Variants in RAP1GDS1 observed in about 807,000 individuals in gnomAD.
The protein encoded by RAP1GDS1 is Rap1 GTPase-GDP dissociation stimulator 1.
RAP1GDS1 carries 35 observed loss-of-function variants against 71.1 expected under a neutral mutation model. That is an observed-to-expected ratio of 0.49 (90% CI 0.38 to 0.65). RAP1GDS1 has a LOEUF of 0.65. RAP1GDS1 is among the 30% of genes least tolerant of loss of function. The pLI, the probability that RAP1GDS1 is intolerant of heterozygous loss-of-function variation, is 0.00. For missense variants in RAP1GDS1, 663 were observed against 706.1 expected, an observed-to-expected ratio of 0.94 and a Z score of 0.69; for synonymous variants, 229 against 243.1, an observed-to-expected ratio of 0.94 and a Z score of 0.54.
chr4:98,300,818 C>G (rs1420156138), intron 2 of RAP1GDS1, among the ~76,000 whole-genome samples: 1 of 152,186 alleles, frequency 6.6e-6, no homozygotes, highest in East Asian at 1.9e-4. Context: ...ACCAAACTCA[C>G]AATATCTCTG....
chr4:98,402,509 T>G (rs1352740878), intron 6 of RAP1GDS1, among the ~76,000 whole-genome samples: 1 of 152,212 alleles, frequency 6.6e-6, no homozygotes, highest in African/African-American at 2.4e-5. Context: ...AAGTAAGAGC[T>G]AAAGCCGTAG....
chr4:98,435,347 G>GA (rs1750990338), intron 13 of RAP1GDS1, among the ~76,000 whole-genome samples: 1 of 152,150 alleles, frequency 6.6e-6, no homozygotes, highest in South Asian at 2.1e-4. Flanking sequence ...TTGGTGACTG[G>GA]AAGCCTTACC....
intron 2 of RAP1GDS1, among the ~76,000 whole-genome samples, chr4:98,308,579 T>C (rs1225825140): frequency 6.6e-6 from 1 of 151,958 alleles, no homozygotes; most frequent in Admixed American, 6.6e-5. Context: ...TTTATTGCTA[T>C]AAAGCTTGTT....
At chr4:98,428,519 A>G (rs980211268) in intron 12 of RAP1GDS1, among the ~76,000 whole-genome samples, 1 of 152,152 alleles carries the variant, frequency 6.6e-6, no homozygotes, top group African/African-American at 2.4e-5. Context: ...AAAACTAATA[A>G]TCCCATCAGA....
intron 9 of RAP1GDS1, 58 bp from the exon 10 acceptor site, chr4:98,418,598 TA>T (rs1165580326): frequency 6.9e-7 from 1 of 1,443,732 alleles, no homozygotes; most frequent in Non-Finnish European, 9.3e-7. Context: ...ACATCAGTAT[TA>T]TAAAGTATTT....
chr4:98,317,056 C>T (rs13130767), intron 2 of RAP1GDS1, among the ~76,000 whole-genome samples: 2,141 of 152,106 alleles, frequency 0.014, 21 homozygotes, highest in Non-Finnish European at 0.021. Flanking sequence ...CTTTTCTTTT[C>T]CTCTCTGCTT....
chr4:98,368,500 A>T (rs1222782343), intron 4 of RAP1GDS1, among the ~76,000 whole-genome samples: 2 of 152,184 alleles, frequency 1.3e-5, no homozygotes, highest in Non-Finnish European at 2.9e-5. Context: ...ATAAATGAGA[A>T]TGATGAGCAG....
chr4:98,323,065 C>T (rs1400435005), intron 2 of RAP1GDS1, among the ~76,000 whole-genome samples: 4 of 151,702 alleles, frequency 2.6e-5, no homozygotes, highest in Non-Finnish European at 5.9e-5. Context: ...ATCAAGTAGA[C>T]ACAATAAAAA....
At chr4:98,439,375 C>T (rs1302758817) in intron 14 of RAP1GDS1, among the ~76,000 whole-genome samples, 1 of 152,204 alleles carries the variant, frequency 6.6e-6, no homozygotes. Context: ...AGAAGTTTAA[C>T]TATGATGTGT....
chr4:98,442,174 A>G lies in RAP1GDS1; in HGVS notation c.*57A>G, dbSNP rs531517161. The G allele has an allele frequency of 1.9e-6, 3 of 1,589,276 alleles. No individual in the cohort carries two copies. Among genetic ancestry groups the G allele is most frequent in the East Asian group, 2.2e-5 (1 of 44,606 alleles). On this transcript the variant is annotated 3_prime_UTR_variant, in exon 15 of 15. Transcript: ENST00000408927. ...CTAATTTCCCCTCTGTCCTCCATCCAGCGGCTTCTTCCGCTTCATTCTCTA... is the reference window on the plus strand; with the variant it reads ...CTAATTTCCCCTCTGTCCTCCATCCGGCGGCTTCTTCCGCTTCATTCTCTA...
At chr4:98,440,531 G>A (rs992843605) in intron 14 of RAP1GDS1, among the ~76,000 whole-genome samples, 9 of 152,202 alleles carry the variant, frequency 5.9e-5, no homozygotes, top group Middle Eastern at 3.4e-3. Flanking sequence ...TTTTAGTAAT[G>A]GCCAAACTAA....
chr4:98,263,573 G>T (rs778323905), intron 1 of RAP1GDS1, among the ~76,000 whole-genome samples: 1 of 152,138 alleles, frequency 6.6e-6, no homozygotes, highest in African/African-American at 2.4e-5. Flanking sequence ...TAGCACTTAC[G>T]TAATCTACCA....
At chr4:98,321,676 A>G (rs1224847593) in intron 2 of RAP1GDS1, among the ~76,000 whole-genome samples, 3 of 141,966 alleles carry the variant, frequency 2.1e-5, no homozygotes, top group Non-Finnish European at 4.6e-5. Context: ...ACTAAGCTTC[A>G]TAAGTGAAGG....
At chr4:98,384,564 C>T (rs937524266) in intron 5 of RAP1GDS1, among the ~76,000 whole-genome samples, 12 of 151,496 alleles carry the variant, frequency 7.9e-5, no homozygotes, top group African/African-American at 2.7e-4. Context: ...CCAATTAGAC[C>T]AGGTTAGCTT....
intron 5 of RAP1GDS1, among the ~76,000 whole-genome samples, chr4:98,390,583 T>C (rs1251670121): frequency 1.3e-5 from 2 of 152,100 alleles, no homozygotes; most frequent in Non-Finnish European, 2.9e-5. Context: ...ACACTAAGCC[T>C]CTGTTGACTA....
intron 2 of RAP1GDS1, among the ~76,000 whole-genome samples, chr4:98,307,097 T>A (rs936692285): frequency 1.3e-5 from 2 of 151,980 alleles, no homozygotes; most frequent in Admixed American, 6.6e-5. Flanking sequence ...AAATTTATTT[T>A]AACATATGGT....
chr4:98,421,037 A>C (rs866382539), intron 11 of RAP1GDS1, among the ~76,000 whole-genome samples: 1 of 152,238 alleles, frequency 6.6e-6, no homozygotes, highest in Non-Finnish European at 1.5e-5. Flanking sequence ...TAACCAAAAG[A>C]GTATGAAGTC....
intron 5 of RAP1GDS1, among the ~76,000 whole-genome samples, chr4:98,382,075 ATTT>A (rs1269121589): frequency 6.6e-6 from 1 of 151,540 alleles, no homozygotes; most frequent in Non-Finnish European, 1.5e-5. Flanking sequence ...CAGTAAAGTC[ATTT>A]TTGTACCATT....
rs1291393328 is a variant in RAP1GDS1 at position 98,442,920 on chromosome 4, G to T, written c.*803G>T. The stretch of plus-strand genomic sequence containing the variant: ...TTTCACTCAGGAACTACTTCTACCA[G>T]TTAATCAGCATTATCCAGCACTTGT... On this transcript the variant is annotated 3_prime_UTR_variant, in exon 15 of 15. Coordinates refer to ENST00000408927, the MANE Select transcript of RAP1GDS1 (RefSeq NM_001100427.2). The T allele has an allele frequency of 3.1e-5, 7 of 225,078 alleles. No individual in the cohort carries two copies. Among genetic ancestry groups the T allele is most frequent in the African/African-American group, 1.6e-4 (7 of 44,484 alleles). The allele number at this position is 225,078 out of a possible 1,614,324, so 13.9% of individuals were successfully genotyped here. A position where few individuals can be genotyped will look rare whatever the true frequency, so the allele number is the denominator to read the frequency against.
Sources: gnomAD v4.1 joint callset for allele counts (sites outside exome capture counted in the v4.1 genomes callset) on GRCh38, gnomAD v4.1.1 for gene constraint, MANE v1.5 for transcripts, NCBI Gene and HGNC (gene_info 2026-07-23, HGNC 2026-07-21) for gene names.